The following WWOX variants were observed in gnomAD, a reference collection of about 807,000 sequenced individuals.
WWOX encodes WW domain-containing oxidoreductase.
In WWOX, 69 loss-of-function variants were observed where a neutral mutation model predicts 46.2. That is an observed-to-expected ratio of 1.49 (90% CI 1.23 to 1.82). The LOEUF (loss-of-function observed/expected upper bound fraction) is 1.82. Among genes scored for constraint, WWOX ranks in the 40% most tolerant of loss-of-function variants. The probability of loss-of-function intolerance (pLI) is 0.00; values close to 1 mark genes in which losing one functional copy is unlikely to be tolerated. For missense variants in WWOX, 919 were observed against 542.6 expected (o/e 1.69, Z -6.89); for synonymous variants, 359 against 202.6 (o/e 1.77, Z -6.56).
At chr16:79,191,282 C>T (rs1469483122) in intron 8 of WWOX, among the ~76,000 whole-genome samples, 1 of 152,094 alleles carries the variant, frequency 6.6e-6, no homozygotes, top group African/African-American at 2.4e-5. Context: ...TCTCGAACTC[C>T]TGAGCTCAGG....
At chr16:78,583,890 T>G (rs1431957989) in intron 8 of WWOX, among the ~76,000 whole-genome samples, 1 of 152,188 alleles carries the variant, frequency 6.6e-6, no homozygotes, top group Non-Finnish European at 1.5e-5. Context: ...GCATACCTGT[T>G]TGGGGGAATA....
chr16:78,990,321 G>T (rs2046861656), intron 8 of WWOX, among the ~76,000 whole-genome samples: 2 of 152,190 alleles, frequency 1.3e-5, no homozygotes, highest in South Asian at 4.2e-4. Flanking sequence ...TCTAAGTCAT[G>T]GGCTCTGCAA....
At chr16:78,572,474 G>C (rs755175429) in intron 8 of WWOX, among the ~76,000 whole-genome samples, 6 of 151,748 alleles carry the variant, frequency 4.0e-5, no homozygotes, top group Non-Finnish European at 7.4e-5. Flanking sequence ...TGTGTCTGTG[G>C]TCTCAGGGGT....
chr16:78,133,617 A>T (rs2033685377), intron 4 of WWOX, among the ~76,000 whole-genome samples: 3 of 152,270 alleles, frequency 2.0e-5, no homozygotes, highest in South Asian at 4.1e-4. Flanking sequence ...GCTGGTCTGG[A>T]ACTCCTGACC....
chr16:78,813,545 T>C (rs2051252127), intron 8 of WWOX, among the ~76,000 whole-genome samples: 1 of 152,128 alleles, frequency 6.6e-6, no homozygotes, highest in Non-Finnish European at 1.5e-5. Context: ...GGTCTGGCTT[T>C]GATGTATGTA....
intron 8 of WWOX, among the ~76,000 whole-genome samples, chr16:78,675,824 A>C (rs1250566023): frequency 6.6e-6 from 1 of 152,126 alleles, no homozygotes; most frequent in Non-Finnish European, 1.5e-5. Flanking sequence ...AAAATTATTA[A>C]AAGAAAATAT....
chr16:78,885,465 T>G (rs1252469268), intron 8 of WWOX, among the ~76,000 whole-genome samples: 1 of 152,174 alleles, frequency 6.6e-6, no homozygotes, highest in East Asian at 1.9e-4. Flanking sequence ...TCTGGGCTCT[T>G]GAACCAAAAT....
At chr16:78,312,834 C>T (rs2080275560) in intron 5 of WWOX, among the ~76,000 whole-genome samples, 1 of 152,204 alleles carries the variant, frequency 6.6e-6, no homozygotes, top group South Asian at 2.1e-4. Flanking sequence ...CAGGCCTAGG[C>T]TCTGCCCTAA....
intron 8 of WWOX, among the ~76,000 whole-genome samples, chr16:79,029,624 C>G (rs1173972494): frequency 6.6e-6 from 1 of 152,104 alleles, no homozygotes; most frequent in African/African-American, 2.4e-5. Flanking sequence ...GTAATATATT[C>G]TTATATAAAA....
intron 5 of WWOX, among the ~76,000 whole-genome samples, chr16:78,223,376 C>G (rs1013716574): frequency 6.6e-6 from 1 of 152,148 alleles, no homozygotes; most frequent in Non-Finnish European, 1.5e-5. Flanking sequence ...CTGAGAAACC[C>G]TGCACTTGTG....
chr16:79,187,675 G>T (rs2051044971), intron 8 of WWOX, among the ~76,000 whole-genome samples: 1 of 152,194 alleles, frequency 6.6e-6, no homozygotes, highest in Admixed American at 6.5e-5. Context: ...CCACAGTGAT[G>T]GGATTACAGG....
At chr16:79,053,694 G>A (rs2048211253) in intron 8 of WWOX, among the ~76,000 whole-genome samples, 1 of 152,118 alleles carries the variant, frequency 6.6e-6, no homozygotes, top group Non-Finnish European at 1.5e-5. Flanking sequence ...GCTTTTAGAG[G>A]ATTTTGCATC....
At chr16:79,075,749 C>T (rs1427026192) in intron 8 of WWOX, among the ~76,000 whole-genome samples, 1 of 152,036 alleles carries the variant, frequency 6.6e-6, no homozygotes, top group Non-Finnish European at 1.5e-5. Context: ...GATGGGGTCT[C>T]ATCTGGTGAT....
At chr16:79,001,728 A>G (rs9745609) in intron 8 of WWOX, among the ~76,000 whole-genome samples, 1 of 150,032 alleles carries the variant, frequency 6.7e-6, no homozygotes, top group Non-Finnish European at 1.5e-5. Flanking sequence ...AGAGAGGGGG[A>G]AATGTGGAGG....
At chr16:78,789,758 C>T (rs1352017189) in intron 8 of WWOX, among the ~76,000 whole-genome samples, 1 of 152,292 alleles carries the variant, frequency 6.6e-6, no homozygotes, top group African/African-American at 2.4e-5. Flanking sequence ...TTGGCCAGCT[C>T]CCAAACACCA....
intron 8 of WWOX, among the ~76,000 whole-genome samples, chr16:79,180,407 T>C (rs1042165116): frequency 2.0e-5 from 3 of 152,218 alleles, no homozygotes; most frequent in Non-Finnish European, 4.4e-5. Context: ...TCATCAGATA[T>C]TAATTCCAGA....
intron 8 of WWOX, among the ~76,000 whole-genome samples, chr16:78,992,564 G>A (rs903026961): frequency 2.6e-5 from 4 of 152,184 alleles, no homozygotes; most frequent in African/African-American, 7.2e-5. Flanking sequence ...GAGCGTCTGC[G>A]TAGGTTTTTA....
chr16:79,040,790 C>A (rs980994993), intron 8 of WWOX, among the ~76,000 whole-genome samples: 1 of 152,166 alleles, frequency 6.6e-6, no homozygotes, highest in African/African-American at 2.4e-5. Flanking sequence ...CTTCTGAGTG[C>A]TTTGTCCTTG....
chr16:78,988,594 C>T (rs2046826020), intron 8 of WWOX, among the ~76,000 whole-genome samples: 1 of 152,132 alleles, frequency 6.6e-6, no homozygotes, highest in Non-Finnish European at 1.5e-5. Context: ...CAACTCTTTG[C>T]CATTGTTCAA....
Sources: gnomAD v4.1 joint callset for allele counts (sites outside exome capture counted in the v4.1 genomes callset) on GRCh38, gnomAD v4.1.1 for gene constraint, MANE v1.5 for transcripts, NCBI Gene and HGNC (gene_info 2026-07-23, HGNC 2026-07-21) for gene names.